Variants in ASPSCR1 observed in about 807,000 individuals in gnomAD.
ASPSCR1 encodes ASPSCR1 tether for SLC2A4, UBX domain containing.
A neutral mutation model predicts 68.9 loss-of-function variants in ASPSCR1; 55 were observed. The ratio of observed to expected loss-of-function variants is 0.80; its 90% CI spans 0.64 to 1.00. ASPSCR1 has a LOEUF of 1.00. Among genes scored for constraint, ASPSCR1 ranks in the 50% least tolerant of loss-of-function variants. The pLI, the probability that ASPSCR1 is intolerant of heterozygous loss-of-function variation, is 0.00. For missense variants in ASPSCR1, 765 were observed against 762.2 expected (o/e 1.00, Z -0.04); for synonymous variants, 352 against 332.6 (o/e 1.06, Z -0.63).
intron 7 of ASPSCR1, among the ~76,000 whole-genome samples, chr17:82,001,950 G>A (rs892744319): frequency 6.6e-6 from 1 of 151,566 alleles, no homozygotes; most frequent in African/African-American, 2.4e-5. Flanking sequence ...AGCCCAGGCT[G>A]CAGCAGTCCT....
rs118150363 is a variant in ASPSCR1 at position 81,985,149 on chromosome 17, C to T, written c.274-358C>T. ...ACATGCACACACACGCACATCTGCA[C>T]GCACATGCGCACACCTGCACACACC... On this transcript the variant is annotated intron_variant, in intron 3 of 15. Coordinates refer to ENST00000306739, the MANE Select transcript of ASPSCR1 (RefSeq NM_024083.4). Among the ~76,000 whole-genome samples, 14 of 148,612 alleles carry T rather than the reference C, an allele frequency of 9.4e-5. No homozygotes were observed. In the East Asian group the frequency reaches 1.8e-3, roughly 20 times the overall value.
At chr17:82,002,590 TCTCA>T (rs1378510991) in intron 7 of ASPSCR1, among the ~76,000 whole-genome samples, 1 of 151,380 alleles carries the variant, frequency 6.6e-6, no homozygotes, top group Non-Finnish European at 1.5e-5. Context: ...TGAGACAGAG[TCTCA>T]CTCTGTTGCC....
chr17:82,015,042 G>A (rs2043074272), intron 12 of ASPSCR1: 3 of 1,571,278 alleles, frequency 1.9e-6, no homozygotes, highest in South Asian at 2.3e-5. Flanking sequence ...TGCTCTGGCT[G>A]GGGGGACGGT....
At chr17:82,007,823 T>A (rs1370771786) in intron 7 of ASPSCR1, 1 of 152,248 alleles carries the variant, frequency 6.6e-6, no homozygotes, top group African/African-American at 2.4e-5. Flanking sequence ...GGGGGCCGCC[T>A]GGCGCCTGGC....
intron 4 of ASPSCR1, 128 bp from the exon 5 acceptor site, chr17:81,994,687 CCTGGGA>C (rs2042278175): frequency 3.4e-6 from 3 of 885,184 alleles, no homozygotes; most frequent in South Asian, 3.0e-5. Flanking sequence ...TGGGCCTGGG[CCTGGGA>C]CGCTGTCCTG....
chr17:81,996,058 A>T lies in ASPSCR1; in HGVS notation c.499A>T (p.Thr167Ser), dbSNP rs1374528728. The T allele has an allele frequency of 3.1e-6, 5 of 1,608,344 alleles. No individual in the cohort carries two copies. The highest frequency in any genetic ancestry group is 3.4e-5 in the Admixed American group (2 of 59,454). ...QSLGLTGGSA[T>S]IRFVMKCYDP... is the part of the protein sequence containing the mutation. ...GCTGGGCCTGACCGGGGGCAGCGCC[A>T]CCATCAGGTAAGGGCAGTGCTGCTG... Residue 167 changes from threonine to serine, a missense_variant, in exon 6 of 16, where the codon ACC becomes TCC. Coordinates refer to ENST00000306739, the MANE Select transcript of ASPSCR1 (RefSeq NM_024083.4).
chr17:81,984,717 A>G (rs1350831569), intron 3 of ASPSCR1, among the ~76,000 whole-genome samples: 1 of 151,816 alleles, frequency 6.6e-6, no homozygotes, highest in Non-Finnish European at 1.5e-5. Flanking sequence ...TGAAGCCCCC[A>G]CTGGGACACG....
chr17:82,015,621 T>TCCTGTGCC, intron 12 of ASPSCR1: 1 of 539,344 alleles, frequency 1.9e-6, no homozygotes, highest in Non-Finnish European at 3.3e-6. Flanking sequence ...TGGCCAGGGC[T>TCCTGTGCC]CCTGTGCCCA....
At chr17:82,009,383 G>A (rs2042834434) in intron 8 of ASPSCR1, 103 bp from the exon 9 acceptor site, 3 of 1,370,108 alleles carry the variant, frequency 2.2e-6, no homozygotes, top group Admixed American at 2.5e-5. Flanking sequence ...TGTGGGGAGA[G>A]CAGCCCACTC....
At chr17:82,011,115 C>T (rs1341984553) in intron 10 of ASPSCR1, among the ~76,000 whole-genome samples, 1 of 152,220 alleles carries the variant, frequency 6.6e-6, no homozygotes, top group African/African-American at 2.4e-5. Flanking sequence ...TGAGTGCTCA[C>T]GTCGCCCACC....
chr17:81,997,827 A>C (rs115572094), intron 7 of ASPSCR1, among the ~76,000 whole-genome samples: 2,733 of 121,528 alleles, frequency 0.022, 74 homozygotes, highest in African/African-American at 0.077. Flanking sequence ...TGAGGCACCC[A>C]CTTTTTTTTT....
At position 81,996,051 on chromosome 17, in the gene ASPSCR1, C is replaced by T; in HGVS notation, c.492C>T (p.Gly164=). The T allele has an allele frequency of 6.2e-7, 1 of 1,608,756 alleles. No homozygotes were observed. Among genetic ancestry groups the T allele is most frequent in the Non-Finnish European group, 8.5e-7 (1 of 1,178,606 alleles). The change falls in exon 6 of 16, where the codon GGC becomes GGT. Residue 164 remains glycine (G), a synonymous_variant. Transcript: ENST00000306739. Reference sequence around the variant, plus strand: ...TGCAGTCGCTGGGCCTGACCGGGGGCAGCGCCACCATCAGGTAAGGGCAGT... The same window carrying T: ...TGCAGTCGCTGGGCCTGACCGGGGGTAGCGCCACCATCAGGTAAGGGCAGT... ...TTLQSLGLTG[G]SATIRFVMKC...
chr17:82,015,194 G>A (rs1361370141), intron 12 of ASPSCR1: 6 of 1,598,170 alleles, frequency 3.8e-6, no homozygotes, highest in Non-Finnish European at 5.1e-6. Context: ...TGGACTCTGG[G>A]AGGCTTCTTT....
chr17:81,998,430 G>T (rs1037647068), intron 7 of ASPSCR1, among the ~76,000 whole-genome samples: 2 of 152,086 alleles, frequency 1.3e-5, no homozygotes, highest in East Asian at 3.9e-4. Context: ...GTGTTGCAGC[G>T]AATGGGCCTC....
At position 81,991,429 on chromosome 17, in the gene ASPSCR1, GGT is replaced by G. The variant is rs573595373; in HGVS notation, c.375-3389_375-3388del. 7.9e-5 allele frequency among the ~76,000 whole-genome samples: 12 copies of G among 152,340 alleles called. 1 individual carries two copies. The East Asian group carries it at 2.3e-3, about 29-fold the overall frequency. The stretch of plus-strand genomic sequence containing the variant: ...TTCTGCAGCCCTCTGGGTGTGCTGG[GGT>G]GTAGGGATGGGCTGCTGGTGAGGAC... On this transcript the variant is annotated intron_variant, in intron 4 of 15. Coordinates refer to ENST00000306739, the MANE Select transcript of ASPSCR1 (RefSeq NM_024083.4).
At chr17:82,008,710 C>A (rs1002959076) in intron 7 of ASPSCR1, 9 of 283,158 alleles carry the variant, frequency 3.2e-5, no homozygotes, top group African/African-American at 6.5e-5. Flanking sequence ...CACCCCTCCC[C>A]CCCATGGAGA....
intron 13 of ASPSCR1, 69 bp from the exon 14 acceptor site, chr17:82,016,731 G>C: frequency 6.5e-7 from 1 of 1,543,180 alleles, no homozygotes; most frequent in Non-Finnish European, 8.8e-7. Flanking sequence ...GTGCTGGTGG[G>C]CAGATGCTGG....
rs533493599 is a variant in ASPSCR1 at position 82,001,329 on chromosome 17, G to A, written c.933+4483G>A. On this transcript the variant is annotated intron_variant, in intron 7 of 15. Coordinates refer to ENST00000306739, the MANE Select transcript of ASPSCR1 (RefSeq NM_024083.4). ...CTAGACAGGAGCCCCCACATCCGACGCGGTGCAGACTCCCATCCCTGCGGC... is the reference window on the plus strand; with the variant it reads ...CTAGACAGGAGCCCCCACATCCGACACGGTGCAGACTCCCATCCCTGCGGC... Among the ~76,000 whole-genome samples, 76 of 152,254 alleles carry A rather than the reference G, an allele frequency of 5.0e-4. 1 individual carries two copies. The highest frequency in any genetic ancestry group is 1.7e-3 in the African/African-American group (71 of 41,550).
At position 81,983,480 on chromosome 17, in the gene ASPSCR1, G is replaced by GGGATGGCGGGGCT. The variant is rs2041863048; in HGVS notation, c.159-62_159-61insTGGATGGCGGGGC. 23 of 1,211,634 alleles carry GGGATGGCGGGGCT rather than the reference G, an allele frequency of 1.9e-5. No homozygotes were observed. The South Asian group carries it at 3.1e-4, about 16-fold the overall frequency. The allele number at this position is 1,211,634 out of a possible 1,614,324, so 75.1% of individuals were successfully genotyped here. A position where few individuals can be genotyped will look rare whatever the true frequency, so the allele number is the denominator to read the frequency against. ...ATGGCGGGGCGTGGATGGTGGGACG[G>GGGATGGCGGGGCT]GGATGGCGGGGCGTGGATGGCAGGG... On this transcript the variant is annotated intron_variant, in intron 2 of 15. Transcript: ENST00000306739. The surrounding 1 kb of genome is among the most constrained non-coding windows in gnomAD (Gnocchi z 4.4).
Sources: gnomAD v4.1 joint callset for allele counts (sites outside exome capture counted in the v4.1 genomes callset) on GRCh38, gnomAD v4.1.1 for gene constraint, Gnocchi (gnomAD v3.1) non-coding constraint, MANE v1.5 for transcripts, NCBI Gene and HGNC (gene_info 2026-07-23, HGNC 2026-07-21) for gene names.